THSD7A: variants seen among roughly 807,000 people sequenced by gnomAD.
THSD7A encodes thrombospondin type-1 domain-containing protein 7A.
Under a neutral mutation model 231.3 loss-of-function variants are expected in THSD7A, and 96 were observed. The ratio of observed to expected loss-of-function variants is 0.41; its 90% CI spans 0.35 to 0.49. THSD7A has a LOEUF of 0.49. Ranked by LOEUF, THSD7A falls within the 20% of genes least tolerant of loss-of-function variation. The probability of loss-of-function intolerance (pLI) is 0.05; values close to 1 mark genes in which losing one functional copy is unlikely to be tolerated. For synonymous variants in THSD7A, 940 were observed against 743.3 expected, an observed-to-expected ratio of 1.26 and a Z score of -4.30; for missense variants, 2,290 against 2,070.2, an observed-to-expected ratio of 1.11 and a Z score of -2.06.
At chr7:11,525,984 G>A (rs1017235134) in intron 6 of THSD7A, among the ~76,000 whole-genome samples, 1 of 152,148 alleles carries the variant, frequency 6.6e-6, no homozygotes, top group African/African-American at 2.4e-5. Context: ...TTGTTTTATA[G>A]CCAGAGTTCA....
chr7:11,681,933 G>T (rs1201808683), intron 1 of THSD7A, among the ~76,000 whole-genome samples: 2 of 151,874 alleles, frequency 1.3e-5, no homozygotes, highest in African/African-American at 4.8e-5. Flanking sequence ...TTACAAGCCA[G>T]AAGCAACTAG....
At chr7:11,422,520 A>G (rs186177651) in intron 16 of THSD7A, among the ~76,000 whole-genome samples, 1 of 151,560 alleles carries the variant, frequency 6.6e-6, no homozygotes, top group African/African-American at 2.4e-5. Flanking sequence ...GAAGTTGTTT[A>G]CTGAAAAAAT....
intron 4 of THSD7A, among the ~76,000 whole-genome samples, chr7:11,554,133 T>C (rs1327103962): frequency 6.6e-6 from 1 of 152,026 alleles, no homozygotes; most frequent in East Asian, 1.9e-4. Flanking sequence ...GTACTTTGGT[T>C]GTATAGTGTT....
At chr7:11,774,766 G>A (rs1190429537) in intron 1 of THSD7A, among the ~76,000 whole-genome samples, 2 of 152,140 alleles carry the variant, frequency 1.3e-5, no homozygotes, top group African/African-American at 4.8e-5. Context: ...AGAAACTAAA[G>A]ACATAAGGCC....
At chr7:11,704,403 A>G (rs1780698096) in intron 1 of THSD7A, among the ~76,000 whole-genome samples, 1 of 150,962 alleles carries the variant, frequency 6.6e-6, no homozygotes, top group South Asian at 2.1e-4. Flanking sequence ...GTCATGTAGA[A>G]GGTATAATTT....
chr7:11,654,788 G>C (rs1782645885), intron 1 of THSD7A, among the ~76,000 whole-genome samples: 1 of 151,852 alleles, frequency 6.6e-6, no homozygotes, highest in Non-Finnish European at 1.5e-5. Flanking sequence ...AAAAATCACA[G>C]TAAGGATGCA....
At chr7:11,545,639 A>T (rs906736010) in intron 4 of THSD7A, among the ~76,000 whole-genome samples, 5 of 152,150 alleles carry the variant, frequency 3.3e-5, no homozygotes, top group Non-Finnish European at 7.3e-5. Context: ...GGCTCCTGGG[A>T]AAGGGGTGAA....
intron 1 of THSD7A, among the ~76,000 whole-genome samples, chr7:11,661,219 A>G (rs1377388667): frequency 6.6e-6 from 1 of 151,454 alleles, no homozygotes; most frequent in African/African-American, 2.4e-5. Context: ...GTTGAATTTC[A>G]GATTAGGTTA....
chr7:11,604,982 A>T (rs550872965), intron 2 of THSD7A, among the ~76,000 whole-genome samples: 1 of 152,076 alleles, frequency 6.6e-6, no homozygotes, highest in Non-Finnish European at 1.5e-5. Flanking sequence ...TGCATCATAC[A>T]CACATGGCCT....
chr7:11,773,089 T>C (rs1783287613), intron 1 of THSD7A, among the ~76,000 whole-genome samples: 1 of 152,162 alleles, frequency 6.6e-6, no homozygotes, highest in South Asian at 2.1e-4. Context: ...TGGTATATAA[T>C]AAAGGCCCCA....
chr7:11,748,838 T>C (rs1329192005), intron 1 of THSD7A, among the ~76,000 whole-genome samples: 1 of 151,966 alleles, frequency 6.6e-6, no homozygotes, highest in Admixed American at 6.6e-5. Flanking sequence ...AAAAGTCTCT[T>C]TGGAGTCGCA....
chr7:11,387,219 TTAAAG>T, intron 23 of THSD7A, among the ~76,000 whole-genome samples: 1 of 152,312 alleles, frequency 6.6e-6, no homozygotes, highest in South Asian at 2.1e-4. Flanking sequence ...CAGATGAAAC[TTAAAG>T]TAGTTTTTTT....
intron 4 of THSD7A, among the ~76,000 whole-genome samples, chr7:11,564,863 C>T (rs564942423): frequency 1.3e-5 from 2 of 152,178 alleles, no homozygotes; most frequent in South Asian, 4.2e-4. Context: ...GACCTTGTTT[C>T]GTGTAAGATA....
intron 6 of THSD7A, among the ~76,000 whole-genome samples, chr7:11,540,096 T>A (rs1164247202): frequency 6.6e-6 from 1 of 151,712 alleles, no homozygotes; most frequent in Non-Finnish European, 1.5e-5. Context: ...CTTCCTCCTT[T>A]TTTTCCTCTC....
chr7:11,821,673 C>G (rs1264304360), intron 1 of THSD7A, among the ~76,000 whole-genome samples: 1 of 152,140 alleles, frequency 6.6e-6, no homozygotes, highest in Non-Finnish European at 1.5e-5. Context: ...GTGACTCCTT[C>G]TATGTGGACC....
At chr7:11,425,757 C>CACACACACACAG (rs1784297482) in intron 15 of THSD7A, among the ~76,000 whole-genome samples, 1 of 151,110 alleles carries the variant, frequency 6.6e-6, no homozygotes, top group Non-Finnish European at 1.5e-5. Context: ...CACACACACA[C>CACACACACACAG]ACACACACTG....
intron 1 of THSD7A, among the ~76,000 whole-genome samples, chr7:11,797,139 A>G (rs1784146937): frequency 6.6e-6 from 1 of 152,162 alleles, no homozygotes; most frequent in African/African-American, 2.4e-5. Context: ...AGTGAAATAT[A>G]TATGTGTATA....
intron 6 of THSD7A, among the ~76,000 whole-genome samples, chr7:11,505,555 C>G (rs1562665716): frequency 6.6e-6 from 1 of 151,616 alleles, no homozygotes; most frequent in South Asian, 2.1e-4. Flanking sequence ...ATAGAAACAT[C>G]TAAATTAAAA....
In THSD7A at chr7:11,590,619, A is replaced by C; in HGVS notation, c.1294T>G (p.Trp432Gly). The C allele has an allele frequency of 6.2e-7, 1 of 1,610,522 alleles. No individual in the cohort carries two copies. Among genetic ancestry groups the C allele is most frequent in the Non-Finnish European group, 8.5e-7 (1 of 1,178,482 alleles). Residue 432 changes from tryptophan (W) to glycine (G), a missense_variant, in exon 4 of 28, where the codon TGG becomes GGG. Coordinates refer to ENST00000423059, the MANE Select transcript of THSD7A (RefSeq NM_015204.3). This position sits in a 1 kb window ranked among gnomAD's most constrained non-coding sequence, Gnocchi z 4.4. The stretch of plus-strand genomic sequence containing the variant: ...AAAGGGTCCACACGGCACTCAGTCC[A>C]CTCTGTAGTTCTCCAGCCATACCTA... ...CATYGWRTTE[W>G]TECRVDPLLS...
Sources: allele counts gnomAD v4.1 joint callset (sites outside exome capture counted in the v4.1 genomes callset), GRCh38; gene constraint gnomAD v4.1.1; non-coding constraint Gnocchi (gnomAD v3.1); transcripts MANE v1.5; gene names NCBI Gene and HGNC (gene_info 2026-07-23, HGNC 2026-07-21).